The following KLHL1 variants were observed in gnomAD, a reference collection of about 807,000 sequenced individuals.
The protein encoded by KLHL1 is kelch-like protein 1.
In KLHL1, 47 loss-of-function variants were observed where a neutral mutation model predicts 77.7. The ratio of observed to expected loss-of-function variants is 0.60; its 90% CI spans 0.48 to 0.77. KLHL1 has a LOEUF of 0.77. Ranked by LOEUF, KLHL1 falls within the 30% of genes least tolerant of loss-of-function variation. The pLI, the probability that KLHL1 is intolerant of heterozygous loss-of-function variation, is 0.00. For missense variants in KLHL1, 925 were observed against 910.8 expected, an observed-to-expected ratio of 1.02 and a Z score of -0.20; for synonymous variants, 360 against 325.2, an observed-to-expected ratio of 1.11 and a Z score of -1.15.
chr13:69,984,155 C>T (rs74944805), intron 1 of KLHL1, among the ~76,000 whole-genome samples: 9,700 of 151,880 alleles, frequency 0.064, 343 homozygotes, highest in Non-Finnish European at 0.075. Flanking sequence ...AATAGACAAG[C>T]GGGAATGGTA....
intron 6 of KLHL1, among the ~76,000 whole-genome samples, chr13:69,805,998 C>A (rs1877601014): frequency 6.6e-6 from 1 of 151,948 alleles, no homozygotes; most frequent in South Asian, 2.1e-4. Flanking sequence ...ATAGCGTTTT[C>A]TTTAAACAAA....
intron 1 of KLHL1, among the ~76,000 whole-genome samples, chr13:70,091,609 T>G (rs775776321): frequency 9.2e-5 from 14 of 152,172 alleles, no homozygotes; most frequent in African/African-American, 2.4e-4. Flanking sequence ...TTCCCTGGCC[T>G]TCTTCTACCT....
intron 7 of KLHL1, among the ~76,000 whole-genome samples, chr13:69,771,061 C>T (rs963065851): frequency 9.2e-5 from 14 of 152,166 alleles, no homozygotes; most frequent in Admixed American, 6.5e-5. Context: ...GTGGTCAAGA[C>T]AATGCTGTTC....
chr13:70,052,278 C>T (rs979131794), intron 1 of KLHL1, among the ~76,000 whole-genome samples: 1 of 151,806 alleles, frequency 6.6e-6, no homozygotes, highest in African/African-American at 2.4e-5. Flanking sequence ...AATCATCCTA[C>T]TAACCATGAA....
At chr13:69,989,760 C>A (rs1010420560) in intron 1 of KLHL1, among the ~76,000 whole-genome samples, 13 of 151,582 alleles carry the variant, frequency 8.6e-5, no homozygotes, top group African/African-American at 3.1e-4. Flanking sequence ...TGACTCTTGG[C>A]GTGGGTGTTG....
chr13:69,742,794 T>C lies in KLHL1; in HGVS notation c.1640-2238A>G, dbSNP rs113838024. On this transcript the variant is annotated intron_variant, in intron 7 of 10. Coordinates refer to ENST00000377844, the MANE Select transcript of KLHL1 (RefSeq NM_020866.3). ...GATCGTGTTTTGAGTGCAGGCATAGTTAAAATTAAAAACCATAAACTTCAA... is the reference window on the plus strand; with the variant it reads ...GATCGTGTTTTGAGTGCAGGCATAGCTAAAATTAAAAACCATAAACTTCAA... 1.0e-2 allele frequency among the ~76,000 whole-genome samples: 1,521 copies of C among 152,256 alleles called. 11 individuals carry two copies. Among genetic ancestry groups the C allele is most frequent in the Non-Finnish European group, 0.016 (1,118 of 68,006 alleles).
At chr13:69,712,901 T>C (rs1486730404) in intron 9 of KLHL1, among the ~76,000 whole-genome samples, 1 of 151,718 alleles carries the variant, frequency 6.6e-6, no homozygotes, top group Non-Finnish European at 1.5e-5. Context: ...CCACAATCTC[T>C]GGTGCTCAAG....
At chr13:70,024,806 G>A (rs972579058) in intron 1 of KLHL1, among the ~76,000 whole-genome samples, 2 of 152,002 alleles carry the variant, frequency 1.3e-5, no homozygotes, top group African/African-American at 4.8e-5. Context: ...CAAGAAAGTT[G>A]AGGAGCTGCA....
chr13:69,882,152 A>C, intron 5 of KLHL1, 131 bp downstream of exon 5: 1 of 660,698 alleles, frequency 1.5e-6, no homozygotes, highest in Non-Finnish European at 2.7e-6. Context: ...ATCAAATTTA[A>C]CTTAAAAGTA....
chr13:69,844,892 C>T (rs1189221856), intron 5 of KLHL1, among the ~76,000 whole-genome samples: 2 of 151,460 alleles, frequency 1.3e-5, no homozygotes, highest in Non-Finnish European at 3.0e-5. Context: ...GGAACTGGTA[C>T]AGGACATGCT....
At chr13:69,912,622 G>A (rs924006271) in intron 4 of KLHL1, among the ~76,000 whole-genome samples, 2 of 151,942 alleles carry the variant, frequency 1.3e-5, no homozygotes, top group African/African-American at 4.8e-5. Context: ...TCATCTCCAG[G>A]TGCAACTATA....
At chr13:70,103,421 TG>T (rs1461282241) in intron 1 of KLHL1, among the ~76,000 whole-genome samples, 1 of 151,868 alleles carries the variant, frequency 6.6e-6, no homozygotes, top group Non-Finnish European at 1.5e-5. Flanking sequence ...AGTCCTTTGG[TG>T]GGGAAAAAGG....
chr13:69,917,587 T>C (rs1012522560), intron 4 of KLHL1, among the ~76,000 whole-genome samples: 12 of 152,096 alleles, frequency 7.9e-5, no homozygotes, highest in African/African-American at 2.7e-4. Context: ...TATTTTATTG[T>C]GCCAGCAAAC....
intron 7 of KLHL1, among the ~76,000 whole-genome samples, chr13:69,787,328 C>T (rs575954989): frequency 4.6e-5 from 7 of 152,092 alleles, no homozygotes; most frequent in Non-Finnish European, 1.0e-4. Context: ...ATCCATGGAA[C>T]AGAACAGAGC....
chr13:70,047,744 T>C (rs913962800), intron 1 of KLHL1, among the ~76,000 whole-genome samples: 6 of 152,216 alleles, frequency 3.9e-5, no homozygotes, highest in Admixed American at 6.5e-5. Context: ...CTTCAAAATG[T>C]AACTTTCCTC....
intron 1 of KLHL1, among the ~76,000 whole-genome samples, chr13:70,038,820 A>G (rs534582916): frequency 6.6e-6 from 1 of 151,574 alleles, no homozygotes; most frequent in South Asian, 2.1e-4. Flanking sequence ...CAAACTCCTG[A>G]CCTCAGGTGA....
chr13:70,018,874 T>C (rs1021599730), intron 1 of KLHL1, among the ~76,000 whole-genome samples: 3 of 152,160 alleles, frequency 2.0e-5, no homozygotes, highest in Admixed American at 1.3e-4. Context: ...TGAAACGTTA[T>C]TGAAGCCAAA....
chr13:69,942,665 CTA>C (rs1181661176), intron 3 of KLHL1, among the ~76,000 whole-genome samples: 2 of 152,060 alleles, frequency 1.3e-5, no homozygotes, highest in Non-Finnish European at 2.9e-5. Context: ...TAACATTTTG[CTA>C]TATGTATGTG....
At chr13:69,786,482 A>C (rs1172230894) in intron 7 of KLHL1, among the ~76,000 whole-genome samples, 1 of 152,172 alleles carries the variant, frequency 6.6e-6, no homozygotes, top group Non-Finnish European at 1.5e-5. Context: ...ACTCTCAATA[A>C]ATTAGGTATT....
Sources: gnomAD v4.1 joint callset for allele counts (sites outside exome capture counted in the v4.1 genomes callset) on GRCh38, gnomAD v4.1.1 for gene constraint, MANE v1.5 for transcripts, NCBI Gene and HGNC (gene_info 2026-07-23, HGNC 2026-07-21) for gene names.